Variants in GPM6A observed in about 807,000 individuals in gnomAD.
GPM6A encodes the protein glycoprotein M6A, also known as neuronal membrane glycoprotein M6-a.
Under a neutral mutation model 32.1 loss-of-function variants are expected in GPM6A, and 7 were observed. The observed-to-expected ratio is 0.22, with a 90% confidence interval of 0.12 to 0.41. The LOEUF is 0.41. Among genes scored for constraint, GPM6A ranks in the 10% least tolerant of loss-of-function variants. GPM6A has a pLI of 1.00. For missense variants in GPM6A, 235 were observed against 347.2 expected (o/e 0.68, Z 2.57); for synonymous variants, 130 against 123.4 (o/e 1.05, Z -0.35).
chr4:175,955,875 A>G (rs1186952566), intron 1 of GPM6A, among the ~76,000 whole-genome samples: 1 of 152,162 alleles, frequency 6.6e-6, no homozygotes, highest in African/African-American at 2.4e-5. Context: ...GCTGGCTCTC[A>G]TGGTCTATGG....
At chr4:175,929,247 C>G (rs1738946990) in intron 1 of GPM6A, among the ~76,000 whole-genome samples, 1 of 152,188 alleles carries the variant, frequency 6.6e-6, no homozygotes, top group South Asian at 2.1e-4. Flanking sequence ...TAAACACTTT[C>G]ATAAGCAAAA....
chr4:175,729,443 T>A (rs1383350739), intron 1 of GPM6A, among the ~76,000 whole-genome samples: 1 of 152,146 alleles, frequency 6.6e-6, no homozygotes, highest in African/African-American at 2.4e-5. Flanking sequence ...TATTGACAAG[T>A]GGGAAGATCT....
At chr4:175,893,677 T>A (rs531355340) in intron 1 of GPM6A, among the ~76,000 whole-genome samples, 1 of 152,314 alleles carries the variant, frequency 6.6e-6, no homozygotes, top group South Asian at 2.1e-4. Context: ...CAGGTGGGGA[T>A]GATAACTAAC....
chr4:175,813,663 T>C (rs1229325527), upstream of GPM6A, among the ~76,000 whole-genome samples: 1 of 152,130 alleles, frequency 6.6e-6, no homozygotes, highest in African/African-American at 2.4e-5. Context: ...TCATTATCCA[T>C]AGCATACGTT....
upstream of GPM6A, among the ~76,000 whole-genome samples, chr4:175,814,065 G>A (rs975436833): frequency 4.3e-4 from 66 of 152,150 alleles, no homozygotes; most frequent in Non-Finnish European, 1.6e-4. Context: ...GACATAACCT[G>A]GCATATAATC....
At chr4:175,700,161 C>A (rs1050646071) in intron 2 of GPM6A, among the ~76,000 whole-genome samples, 1 of 151,966 alleles carries the variant, frequency 6.6e-6, no homozygotes, top group Non-Finnish European at 1.5e-5. Context: ...CCACACCCGG[C>A]CCACAACTCT....
chr4:175,866,570 T>A (rs1355489865), intron 1 of GPM6A, among the ~76,000 whole-genome samples: 1 of 152,182 alleles, frequency 6.6e-6, no homozygotes, highest in Non-Finnish European at 1.5e-5. Context: ...ATTTAAGGAT[T>A]CCCCGTGTTT....
chr4:175,876,666 T>C (rs924611860), intron 1 of GPM6A, among the ~76,000 whole-genome samples: 7 of 152,254 alleles, frequency 4.6e-5, no homozygotes, highest in Non-Finnish European at 1.0e-4. Context: ...TGCTTTAACA[T>C]GAAAGTGGGA....
intron 3 of GPM6A, among the ~76,000 whole-genome samples, chr4:175,655,040 G>A (rs1742006089): frequency 6.6e-6 from 1 of 152,120 alleles, no homozygotes; most frequent in Non-Finnish European, 1.5e-5. Flanking sequence ...ACACTTTGAA[G>A]TGTGTTGTTA....
intron 1 of GPM6A, among the ~76,000 whole-genome samples, chr4:175,739,510 C>A (rs1036429322): frequency 1.3e-5 from 2 of 151,912 alleles, no homozygotes; most frequent in Admixed American, 6.6e-5. Context: ...TAATAATGAT[C>A]AAAAATTAAG....
chr4:175,933,051 C>T (rs1327956262), intron 1 of GPM6A, among the ~76,000 whole-genome samples: 3 of 151,452 alleles, frequency 2.0e-5, no homozygotes, highest in African/African-American at 7.3e-5. Flanking sequence ...ATACTTTGTA[C>T]AAGAAATGTC....
At chr4:175,787,482 T>A in intron 1 of GPM6A, 1 of 1,491,846 alleles carries the variant, frequency 6.7e-7, no homozygotes, top group Non-Finnish European at 8.9e-7. Flanking sequence ...ATTGTTTTTT[T>A]AAGTCACTAT....
chr4:175,692,260 GA>G (rs1206115918), intron 2 of GPM6A, among the ~76,000 whole-genome samples: 3 of 151,970 alleles, frequency 2.0e-5, no homozygotes, highest in Non-Finnish European at 4.4e-5. Context: ...TAAATTCCTA[GA>G]AAAAAATTAA....
chr4:175,791,780 G>A (rs948128674), intron 1 of GPM6A, among the ~76,000 whole-genome samples: 1 of 151,112 alleles, frequency 6.6e-6, no homozygotes, highest in Non-Finnish European at 1.5e-5. Context: ...CGCACACACA[G>A]ACACACACTT....
intron 1 of GPM6A, among the ~76,000 whole-genome samples, chr4:175,858,500 C>G (rs981370736): frequency 6.6e-6 from 1 of 151,176 alleles, no homozygotes; most frequent in Non-Finnish European, 1.5e-5. Context: ...CTGTTGCACT[C>G]CAGCCTGGGC....
chr4:175,666,842 G>T lies in GPM6A; in HGVS notation c.387+6838C>A, dbSNP rs142669011. ...CCTTGGGAGCCATCAAGTCTAAAAA[G>T]TTGAGGCTGAGCATTTGCTATCCTT... On this transcript the variant is annotated intron_variant, in intron 3 of 6. Coordinates refer to ENST00000393658, the MANE Select transcript of GPM6A (RefSeq NM_201591.3). 2.9e-4 allele frequency among the ~76,000 whole-genome samples: 44 copies of T among 152,304 alleles called. No homozygotes were observed. In the East Asian group the frequency reaches 7.3e-3, roughly 25 times the overall value.
chr4:175,634,674 CA>C lies in GPM6A; in HGVS notation c.*230del, dbSNP rs944013655. On this transcript the variant is annotated 3_prime_UTR_variant, in exon 7 of 7. Coordinates refer to ENST00000393658, the MANE Select transcript of GPM6A (RefSeq NM_201591.3). ...ACTAGTAAATGAGTTTGAGAAATTT[CA>C]AAAAAAAGGCTGGATAGGAGCTTGT... 2.6e-4 allele frequency: 111 copies of C among 423,944 alleles called. No homozygotes were observed. Among genetic ancestry groups the C allele is most frequent in the East Asian group, 4.8e-4 (12 of 24,990 alleles). The allele number at this position is 423,944 out of a possible 1,614,324, so 26.3% of individuals were successfully genotyped here. A position where few individuals can be genotyped will look rare whatever the true frequency, so the allele number is the denominator to read the frequency against.
At chr4:175,751,133 A>G (rs780269934) in intron 1 of GPM6A, among the ~76,000 whole-genome samples, 1 of 152,174 alleles carries the variant, frequency 6.6e-6, no homozygotes, top group Non-Finnish European at 1.5e-5. Context: ...GTCTGAATAC[A>G]CTAACAAAAA....
At chr4:175,899,730 T>C (rs1737893759) in intron 1 of GPM6A, among the ~76,000 whole-genome samples, 1 of 151,796 alleles carries the variant, frequency 6.6e-6, no homozygotes, top group African/African-American at 2.4e-5. Context: ...TCAAAATAGA[T>C]TAAAGACATA....
Sources: gnomAD v4.1 joint callset for allele counts (sites outside exome capture counted in the v4.1 genomes callset) on GRCh38, gnomAD v4.1.1 for gene constraint, MANE v1.5 for transcripts, NCBI Gene and HGNC (gene_info 2026-07-23, HGNC 2026-07-21) for gene names.